FMN1: variants seen among roughly 807,000 people sequenced by gnomAD.
FMN1 encodes formin 1.
A neutral mutation model predicts 132.4 loss-of-function variants in FMN1; 110 were observed. The observed-to-expected ratio is 0.83, with a 90% CI of 0.71 to 0.97. The LOEUF (loss-of-function observed/expected upper bound fraction) is 0.97, where lower values mean the gene tolerates loss of function less well. Ranked by LOEUF, FMN1 falls within the 50% of genes least tolerant of loss-of-function variation. The pLI is 0.00. For missense variants in FMN1, 1,792 were observed against 1,705.3 expected (o/e 1.05, Z -0.90); for synonymous variants, 722 against 651.7 (o/e 1.11, Z -1.64).
intron 8 of FMN1, among the ~76,000 whole-genome samples, chr15:32,965,790 TG>T (rs1370187899): frequency 6.6e-6 from 1 of 152,172 alleles, no homozygotes; most frequent in Non-Finnish European, 1.5e-5. Context: ...GTATGACATA[TG>T]GAAGTTATAA....
chr15:32,916,461 G>T (rs1159340615), intron 10 of FMN1, among the ~76,000 whole-genome samples: 1 of 152,164 alleles, frequency 6.6e-6, no homozygotes, highest in East Asian at 1.9e-4. Context: ...AGAAGCATGG[G>T]ACACGGTGGT....
intron 17 of FMN1, among the ~76,000 whole-genome samples, chr15:32,807,661 A>G (rs991527274): frequency 6.6e-6 from 1 of 152,200 alleles, no homozygotes; most frequent in African/African-American, 2.4e-5. Flanking sequence ...ACCCTATTCA[A>G]ACTGAATTGA....
At chr15:33,059,755 A>G (rs2037399502) in intron 6 of FMN1, among the ~76,000 whole-genome samples, 1 of 152,234 alleles carries the variant, frequency 6.6e-6, no homozygotes, top group Non-Finnish European at 1.5e-5. Context: ...GTTAAACTAA[A>G]TGACCTAAGA....
intron 19 of FMN1, among the ~76,000 whole-genome samples, chr15:32,785,888 G>A (rs906032836): frequency 6.6e-6 from 1 of 152,184 alleles, no homozygotes; most frequent in African/African-American, 2.4e-5. Flanking sequence ...AGGGAATATG[G>A]TTCATGAAAG....
intron 10 of FMN1, among the ~76,000 whole-genome samples, chr15:32,923,678 C>T (rs1283849346): frequency 6.6e-6 from 1 of 152,102 alleles, no homozygotes; most frequent in Non-Finnish European, 1.5e-5. Context: ...AGGTCTGGAT[C>T]GACAAATATC....
At position 33,033,168 on chromosome 15, in the gene FMN1, C is replaced by G. The variant is rs143115220; in HGVS notation, c.2162-25093G>C. Among the ~76,000 whole-genome samples, 996 of 152,162 alleles carry G rather than the reference C, an allele frequency of 6.5e-3. 11 individuals are homozygous for G. The highest frequency in any genetic ancestry group is 0.023 in the African/African-American group (944 of 41,530). On this transcript the variant is annotated intron_variant, in intron 6 of 20. Coordinates refer to ENST00000616417, the MANE Select transcript of FMN1 (RefSeq NM_001277313.2). ...GCCTCAGCCTCCCGAGTAGCTGGGA[C>G]TACAGGTGCCCGCCACCACACGCGG... is the stretch of plus-strand genomic sequence containing the variant.
chr15:32,969,116 G>A lies in FMN1; in HGVS notation c.2585C>T (p.Ser862Leu), dbSNP rs764801461. Residue 862 changes from serine to leucine, a missense_variant, in exon 8 of 21, where the codon TCA becomes TTA. This residue lies in a region of FMN1 where 1,150 missense variants were observed against 1,043.1 expected (regional missense o/e 1.10). Coordinates refer to ENST00000616417, the MANE Select transcript of FMN1 (RefSeq NM_001277313.2). ...CGGAGGCAATGCCTTCTGCTGATTT[G>A]ATGCCATGCCCTCCATTGGCTGGAG... is the stretch of plus-strand genomic sequence containing the variant. ...AALQPMEGMA[S>L]NQQKALPPPP... 6.2e-7 allele frequency: 1 copy of A among 1,613,282 alleles called. No individual in the cohort carries two copies. The highest frequency in any genetic ancestry group is 8.5e-7 in the Non-Finnish European group (1 of 1,179,400).
chr15:33,024,840 C>G (rs547699246), intron 6 of FMN1, among the ~76,000 whole-genome samples: 1 of 152,134 alleles, frequency 6.6e-6, no homozygotes, highest in Non-Finnish European at 1.5e-5. Context: ...GCACTACAGA[C>G]AAGCAATTAA....
At chr15:32,863,585 G>A (rs1400823680) in intron 16 of FMN1, among the ~76,000 whole-genome samples, 1 of 152,218 alleles carries the variant, frequency 6.6e-6, no homozygotes, top group Non-Finnish European at 1.5e-5. Context: ...ACATTATAGT[G>A]AATGGGTCAC....
intron 3 of FMN1, among the ~76,000 whole-genome samples, chr15:33,175,824 G>GTT (rs1965495172): frequency 6.6e-6 from 1 of 152,060 alleles, no homozygotes; most frequent in Non-Finnish European, 1.5e-5. Context: ...TCAAATAAAG[G>GTT]GTTCTGCCCC....
intron 10 of FMN1, among the ~76,000 whole-genome samples, chr15:32,921,978 C>A (rs1373176079): frequency 6.6e-6 from 1 of 152,168 alleles, no homozygotes; most frequent in South Asian, 2.1e-4. Flanking sequence ...GTTTCATGCT[C>A]TTTCCTCAAT....
intron 16 of FMN1, among the ~76,000 whole-genome samples, chr15:32,887,763 T>C (rs2059930230): frequency 1.3e-5 from 2 of 152,344 alleles, no homozygotes; most frequent in South Asian, 4.1e-4. Flanking sequence ...ATCTGTCTAT[T>C]ACTGGCTGTG....
chr15:33,146,700 G>C (rs1595565298), intron 4 of FMN1, among the ~76,000 whole-genome samples: 1 of 152,108 alleles, frequency 6.6e-6, no homozygotes, highest in East Asian at 1.9e-4. Context: ...AGATACATTA[G>C]ATATGGTCTG....
intron 4 of FMN1, among the ~76,000 whole-genome samples, chr15:33,108,109 T>C (rs1343643455): frequency 6.6e-6 from 1 of 152,098 alleles, no homozygotes; most frequent in African/African-American, 2.4e-5. Context: ...ATGCCTTCCC[T>C]GGCACAGGAT....
intron 19 of FMN1, among the ~76,000 whole-genome samples, chr15:32,795,794 T>C (rs1259068457): frequency 6.6e-6 from 1 of 152,126 alleles, no homozygotes; most frequent in Non-Finnish European, 1.5e-5. Context: ...AGTGGCGCTT[T>C]TGGATTTGTG....
At chr15:33,077,432 G>C (rs1340637553) in intron 5 of FMN1, among the ~76,000 whole-genome samples, 1 of 148,962 alleles carries the variant, frequency 6.7e-6, no homozygotes, top group Non-Finnish European at 1.5e-5. Context: ...TGTTACATAT[G>C]TATACATGTG....
chr15:33,052,416 C>G (rs911044544), intron 6 of FMN1, among the ~76,000 whole-genome samples: 1 of 152,166 alleles, frequency 6.6e-6, no homozygotes, highest in African/African-American at 2.4e-5. Context: ...AATACACGTG[C>G]ATGGAATCAA....
At chr15:32,972,635 AATCTGTAGACTC>A (rs1379844989) in intron 7 of FMN1, among the ~76,000 whole-genome samples, 1 of 152,074 alleles carries the variant, frequency 6.6e-6, no homozygotes, top group Non-Finnish European at 1.5e-5. Context: ...GTCCCTAGTC[AATCTGTAGACTC>A]ATTCATCCTT....
intron 4 of FMN1, among the ~76,000 whole-genome samples, chr15:33,117,828 C>T (rs2039985798): frequency 6.6e-6 from 1 of 152,078 alleles, no homozygotes; most frequent in Admixed American, 6.6e-5. Context: ...ATACTCAGGA[C>T]CATGTAGCAA....
Sources: gnomAD v4.1 joint callset for allele counts (sites outside exome capture counted in the v4.1 genomes callset) on GRCh38, gnomAD v4.1.1 for gene constraint, gnomAD v4.1.1 regional missense constraint, MANE v1.5 for transcripts, NCBI Gene and HGNC (gene_info 2026-07-23, HGNC 2026-07-21) for gene names.